The following DENND3 variants were observed in gnomAD, a reference collection of about 807,000 sequenced individuals.
DENND3 encodes the protein DENN domain containing 3, also known as DENN domain-containing protein 3.
In DENND3, 88 loss-of-function variants were observed where a neutral mutation model predicts 135.1. The observed-to-expected ratio is 0.65, with a 90% confidence interval of 0.55 to 0.78. DENND3 has a LOEUF of 0.78. Ranked by LOEUF, DENND3 falls within the 30% of genes least tolerant of loss-of-function variation. The pLI, the probability that DENND3 is intolerant of heterozygous loss-of-function variation, is 0.00. For synonymous variants in DENND3, 693 were observed against 712.3 expected (o/e 0.97, Z 0.43); for missense variants, 1,392 against 1,688.4 (o/e 0.82, Z 3.08).
chr8:141,181,515 G>A (rs1012053600), intron 17 of DENND3, among the ~76,000 whole-genome samples: 5 of 152,284 alleles, frequency 3.3e-5, no homozygotes, highest in Middle Eastern at 3.4e-3. Flanking sequence ...CGCTGGGTGC[G>A]GCTGCACCTG....
chr8:141,128,712 C>T lies in DENND3; in HGVS notation c.5C>T (p.Ala2Val), dbSNP rs1469326698. Residue 2 changes from alanine to valine, a missense_variant, in exon 1 of 23, where the codon GCG becomes GTG. Transcript: ENST00000519811. This position sits in a 1 kb window ranked among gnomAD's most constrained non-coding sequence, Gnocchi z 4.5. The stretch of plus-strand genomic sequence containing the variant: ...GGCGGCGGGCGGCGGGCAGCCATGG[C>T]GGAGGCCGCGTCGCCGCACTTGTCG... M[A>V]EAASPHLSLP... The T allele has an allele frequency of 5.0e-6, 7 of 1,408,838 alleles. No homozygotes were observed. The highest frequency in any genetic ancestry group is 6.5e-6 in the Non-Finnish European group (7 of 1,082,766). The allele number at this position is 1,408,838 out of a possible 1,614,324, so 87.3% of individuals were successfully genotyped here.
intron 5 of DENND3, among the ~76,000 whole-genome samples, chr8:141,147,398 G>A (rs1003201094): frequency 5.9e-5 from 9 of 152,194 alleles, no homozygotes; most frequent in Non-Finnish European, 1.3e-4. Context: ...CTGCAGCCTG[G>A]ACCCTGTCTC....
At chr8:141,190,994 A>G (rs1286217901) in intron 20 of DENND3, among the ~76,000 whole-genome samples, 1 of 152,254 alleles carries the variant, frequency 6.6e-6, no homozygotes, top group Non-Finnish European at 1.5e-5. Flanking sequence ...CTTCCTCGGC[A>G]TGTGCCAGAT....
chr8:141,166,086 A>C lies in DENND3; in HGVS notation c.1554-104A>C. The C allele has an allele frequency of 8.8e-7, 1 of 1,136,412 alleles. No homozygotes were observed. Among genetic ancestry groups the C allele is most frequent in the Non-Finnish European group, 1.3e-6 (1 of 769,508 alleles). The allele number at this position is 1,136,412 out of a possible 1,614,324, so 70.4% of individuals were successfully genotyped here. A position where few individuals can be genotyped will look rare whatever the true frequency, so the allele number is the denominator to read the frequency against. On this transcript the variant is annotated intron_variant, in intron 11 of 22. Coordinates refer to ENST00000519811, the MANE Select transcript of DENND3 (RefSeq NM_001352890.3). The surrounding 1 kb of genome is among the most constrained non-coding windows in gnomAD (Gnocchi z 4.3). The stretch of plus-strand genomic sequence containing the variant: ...AGTCTGTTTTCCACTGGTGTCCAAG[A>C]GTGTCATGTGCTCTTCATCACACTG...
chr8:141,184,902 T>C, intron 17 of DENND3: 1 of 455,124 alleles, frequency 2.2e-6, no homozygotes, highest in Non-Finnish European at 3.9e-6. Flanking sequence ...CGGCTCTGCA[T>C]CTGCCTGCGG....
chr8:141,165,225 C>T lies in DENND3; in HGVS notation c.1489C>T (p.Arg497Trp), dbSNP rs202173652. The T allele has an allele frequency of 6.8e-6, 11 of 1,614,120 alleles. No homozygotes were observed. In the South Asian group the frequency reaches 7.7e-5, roughly 11 times the overall value. Residue 497 changes from arginine to tryptophan, a missense_variant, in exon 11 of 23, where the codon CGG becomes TGG. By Grantham distance (101) the Arg-to-Trp change is moderately radical (BLOSUM62 -3). Transcript: ENST00000519811. ...TYMFHSFLKA[R>W]LNRRMDAFAQ... is the part of the protein sequence containing the mutation. The stretch of plus-strand genomic sequence containing the variant: ...CATGTTCCATTCTTTTCTTAAAGCC[C>T]GGCTCAATAGGAGGATGGACGCCTT...
chr8:141,163,713 G>T lies in DENND3; in HGVS notation c.1449+284G>T, dbSNP rs1416177048. On this transcript the variant is annotated intron_variant, in intron 10 of 22. Coordinates refer to ENST00000519811, the MANE Select transcript of DENND3 (RefSeq NM_001352890.3). ...ACCTGAGGTCAGGAGTTCGAGACCA[G>T]CCTGGCCAACATGGTGAAATCCCAT... Among the ~76,000 whole-genome samples, 10 of 152,084 alleles carry T rather than the reference G, an allele frequency of 6.6e-5. No homozygotes were observed. The East Asian group carries it at 1.9e-3, about 29-fold the overall frequency.
In DENND3 at chr8:141,194,603, C is replaced by A; in HGVS notation, c.*370C>A. 1 of 262,032 alleles carries A rather than the reference C, an allele frequency of 3.8e-6. No homozygotes were observed. Among genetic ancestry groups the A allele is most frequent in the Non-Finnish European group, 7.5e-6 (1 of 133,922 alleles). 16.2% of individuals were successfully genotyped at this position (262,032 alleles called of 1,614,324 possible). A position where few individuals can be genotyped will look rare whatever the true frequency, so the allele number is the denominator to read the frequency against. Reference sequence around the variant, plus strand: ...CGAGTCACAGGTGACCCGTGGCCCTCACGTCTCTGGTTTTACCTTTCCTTA... The same window carrying A: ...CGAGTCACAGGTGACCCGTGGCCCTAACGTCTCTGGTTTTACCTTTCCTTA... On this transcript the variant is annotated 3_prime_UTR_variant, in exon 23 of 23. Coordinates refer to ENST00000519811, the MANE Select transcript of DENND3 (RefSeq NM_001352890.3).
In DENND3 at chr8:141,154,009, C is replaced by T. The variant is rs182784515; in HGVS notation, c.1075-1840C>T. Among the ~76,000 whole-genome samples the T allele has an allele frequency of 6.6e-6, 1 of 152,300 alleles. No homozygotes were observed. Among genetic ancestry groups the T allele is most frequent in the East Asian group, 1.9e-4 (1 of 5,182 alleles). On this transcript the variant is annotated intron_variant, in intron 7 of 22. Transcript: ENST00000519811. The surrounding 1 kb of genome is among the most constrained non-coding windows in gnomAD (Gnocchi z 4.4). Reference sequence around the variant, plus strand: ...GGAAGGAGCTGGCAGTGACCCTATGCGCCTCCACCAAACACTTGTGTCTCC... The same window carrying T: ...GGAAGGAGCTGGCAGTGACCCTATGTGCCTCCACCAAACACTTGTGTCTCC...
At chr8:141,176,999 G>T in intron 15 of DENND3, 1 of 510,792 alleles carries the variant, frequency 2.0e-6, no homozygotes, top group Non-Finnish European at 3.5e-6. Context: ...AGGGCGGTCT[G>T]GGCAGGTGTG....
chr8:141,171,138 T>C (rs1204066687), intron 13 of DENND3, among the ~76,000 whole-genome samples: 5 of 152,190 alleles, frequency 3.3e-5, no homozygotes, highest in African/African-American at 1.2e-4. Flanking sequence ...TTCTGGGATA[T>C]GTGAGCCTGA....
intron 1 of DENND3, among the ~76,000 whole-genome samples, chr8:141,133,951 G>A (rs768572247): frequency 2.0e-4 from 30 of 152,176 alleles, no homozygotes; most frequent in Non-Finnish European, 2.5e-4. Context: ...GGCTGTGAGT[G>A]CTGAGGTCCT....
At chr8:141,160,500 C>A in intron 8 of DENND3, 132 bp from the exon 9 acceptor site, 1 of 1,181,774 alleles carries the variant, frequency 8.5e-7, no homozygotes, top group Non-Finnish European at 1.1e-6. Context: ...ACTTTAATGA[C>A]CACCCGCCCC....
chr8:141,179,338 C>T (rs1799061379), intron 16 of DENND3, among the ~76,000 whole-genome samples: 1 of 152,230 alleles, frequency 6.6e-6, no homozygotes, highest in African/African-American at 2.4e-5. Flanking sequence ...AAACCCCCTA[C>T]TTCAGCTGTT....
chr8:141,163,618 T>A (rs577693676), intron 10 of DENND3, among the ~76,000 whole-genome samples, 189 bp downstream of exon 10: 5 of 152,262 alleles, frequency 3.3e-5, no homozygotes. Flanking sequence ...AGAGTATAAT[T>A]TACTTGTGGC....
rs756179911 is a variant in DENND3, at chr8:141,136,706, G to A, written c.300G>A (p.Pro100=). 19 of 1,612,030 alleles carry A rather than the reference G, an allele frequency of 1.2e-5. No homozygotes were observed. Among genetic ancestry groups the A allele is most frequent in the South Asian group, 2.2e-5 (2 of 90,632 alleles). ...GACCAGAGCAGTGGAAGGGCCTCCC[G>A]GGGCCCCCCAGAGCGCCAGAGCCTG... ...KPRPEQWKGL[P]GPPRAPEPED... is the part of the protein sequence containing the mutation. The change falls in exon 2 of 23, where the codon CCG becomes CCA. Residue 100 remains proline, a synonymous_variant. Coordinates refer to ENST00000519811, the MANE Select transcript of DENND3 (RefSeq NM_001352890.3).
At position 141,166,241 on chromosome 8, in the gene DENND3, C is replaced by G. The variant is rs2154613163; in HGVS notation, c.1605C>G (p.Ala535=). The change falls in exon 12 of 23, where the codon GCC becomes GCG. Residue 535 remains alanine (A), a synonymous_variant. Coordinates refer to ENST00000519811, the MANE Select transcript of DENND3 (RefSeq NM_001352890.3). The surrounding 1 kb of genome is among the most constrained non-coding windows in gnomAD (Gnocchi z 4.3). ...GGAGACCGACCGTTGAGAAAAGAGC[C>G]TCCCGGAAGTCCTCGCACCTGCATG... ...SPRRPTVEKR[A]SRKSSHLHVT... The G allele has an allele frequency of 1.9e-6, 3 of 1,614,152 alleles. No individual in the cohort carries two copies. Among genetic ancestry groups the G allele is most frequent in the East Asian group, 2.2e-5 (1 of 44,882 alleles).
intron 20 of DENND3, chr8:141,191,326 T>C (rs1223265498): frequency 6.6e-6 from 1 of 152,268 alleles, no homozygotes; most frequent in Non-Finnish European, 1.5e-5. Flanking sequence ...AGGATGTTTA[T>C]AGTATTCATC....
rs1334536989 is a variant in DENND3 at position 141,141,087 on chromosome 8, G to C, written c.502-116G>C. 1 of 1,519,628 alleles carries C rather than the reference G, an allele frequency of 6.6e-7. No homozygotes were observed. The highest frequency in any genetic ancestry group is 9.0e-7 in the Non-Finnish European group (1 of 1,111,356). The allele number at this position is 1,519,628 out of a possible 1,614,324, so 94.1% of individuals were successfully genotyped here. A position where few individuals can be genotyped will look rare whatever the true frequency, so the allele number is the denominator to read the frequency against. The stretch of plus-strand genomic sequence containing the variant: ...CCGGTGCTGGCTTGGACGCGTTGCA[G>C]GGGTGGGGATGGTGGACTCTCAGCT... On this transcript the variant is annotated intron_variant, in intron 3 of 22. Transcript: ENST00000519811. This position sits in a 1 kb window ranked among gnomAD's most constrained non-coding sequence, Gnocchi z 5.3.
Sources: gnomAD v4.1 joint callset for allele counts (sites outside exome capture counted in the v4.1 genomes callset) on GRCh38, gnomAD v4.1.1 for gene constraint, Gnocchi (gnomAD v3.1) non-coding constraint, MANE v1.5 for transcripts, NCBI Gene and HGNC (gene_info 2026-07-23, HGNC 2026-07-21) for gene names.